WDR7: variants seen among roughly 807,000 people sequenced by gnomAD.
WDR7 encodes WD repeat domain 7.
A neutral mutation model predicts 169.4 loss-of-function variants in WDR7; 46 were observed. That is an observed-to-expected ratio of 0.27 (90% CI 0.21 to 0.35). The LOEUF (loss-of-function observed/expected upper bound fraction) is 0.35, where lower values mean the gene tolerates loss of function less well. Among genes scored for constraint, WDR7 ranks in the 10% least tolerant of loss-of-function variants. The pLI, the probability that WDR7 is intolerant of heterozygous loss-of-function variation, is 1.00. For missense variants in WDR7, 1,534 were observed against 1,859.3 expected (o/e 0.83, Z 3.22); for synonymous variants, 612 against 666.8 (o/e 0.92, Z 1.27).
intron 19 of WDR7, among the ~76,000 whole-genome samples, chr18:56,803,144 A>G (rs928474399): frequency 6.6e-6 from 1 of 152,196 alleles, no homozygotes; most frequent in Non-Finnish European, 1.5e-5. Flanking sequence ...ATTCTTATCT[A>G]TAAAATAACT....
chr18:56,801,783 C>G (rs971115518), intron 19 of WDR7, among the ~76,000 whole-genome samples: 2 of 152,128 alleles, frequency 1.3e-5, no homozygotes, highest in Admixed American at 6.5e-5. Flanking sequence ...ATCAATAATT[C>G]ATTCCTTTTT....
At chr18:56,975,431 G>T (rs1384008422) in intron 26 of WDR7, among the ~76,000 whole-genome samples, 2 of 152,134 alleles carry the variant, frequency 1.3e-5, no homozygotes, top group Non-Finnish European at 2.9e-5. Flanking sequence ...GCAAAGGAGT[G>T]TGAAAGTGTG....
At chr18:56,745,201 C>T (rs1269320606) in intron 14 of WDR7, among the ~76,000 whole-genome samples, 1 of 152,058 alleles carries the variant, frequency 6.6e-6, no homozygotes, top group Admixed American at 6.5e-5. Flanking sequence ...AAATGATGAA[C>T]CTAATAGGAA....
At chr18:56,768,898 G>C (rs899897774) in intron 16 of WDR7, among the ~76,000 whole-genome samples, 1 of 152,090 alleles carries the variant, frequency 6.6e-6, no homozygotes, top group Admixed American at 6.5e-5. Context: ...ATAGACATTT[G>C]GGTTTGAGAA....
chr18:56,732,493 T>C (rs1598999522), intron 14 of WDR7, among the ~76,000 whole-genome samples: 1 of 152,320 alleles, frequency 6.6e-6, no homozygotes, highest in East Asian at 1.9e-4. Flanking sequence ...GAAAGGCTCA[T>C]CTGCAGACTT....
At chr18:56,747,807 G>A (rs1254682073) in intron 14 of WDR7, among the ~76,000 whole-genome samples, 1 of 151,414 alleles carries the variant, frequency 6.6e-6, no homozygotes, top group Non-Finnish European at 1.5e-5. Context: ...GATGAGGGAA[G>A]AGGGTTCAAA....
intron 20 of WDR7, among the ~76,000 whole-genome samples, chr18:56,839,430 T>C (rs2045446726): frequency 6.6e-6 from 1 of 152,202 alleles, no homozygotes; most frequent in African/African-American, 2.4e-5. Context: ...AGTGTGTATC[T>C]CTTACTTATA....
At chr18:56,835,958 G>A (rs889404377) in intron 20 of WDR7, among the ~76,000 whole-genome samples, 1 of 152,132 alleles carries the variant, frequency 6.6e-6, no homozygotes, top group Non-Finnish European at 1.5e-5. Flanking sequence ...TGATGTATAA[G>A]TGTACTTTAT....
At chr18:56,890,250 A>G (rs1201372201) in intron 21 of WDR7, among the ~76,000 whole-genome samples, 5 of 152,188 alleles carry the variant, frequency 3.3e-5, no homozygotes, top group African/African-American at 9.6e-5. Flanking sequence ...TTGCAATTCT[A>G]TGAACTTGTA....
intron 25 of WDR7, chr18:56,957,490 A>G (rs1030620215): frequency 6.6e-6 from 1 of 152,006 alleles, no homozygotes; most frequent in Non-Finnish European, 1.5e-5. Context: ...AAAAAGGTAG[A>G]AAAAGCTCTC....
At chr18:57,032,638 G>A (rs1357733629), downstream of WDR7, 2 of 151,932 alleles carry the variant, frequency 1.3e-5, no homozygotes, top group South Asian at 2.1e-4. Flanking sequence ...ATCCTATTGT[G>A]AACTGAGCAT....
intron 26 of WDR7, among the ~76,000 whole-genome samples, chr18:57,000,185 G>C (rs900651662): frequency 6.6e-6 from 1 of 152,132 alleles, no homozygotes; most frequent in Non-Finnish European, 1.5e-5. Context: ...TTATGAAGTA[G>C]TTTAAAAGAG....
the WDR7 span, chr18:57,035,547 GC>G: frequency 6.6e-6 from 1 of 152,276 alleles, no homozygotes; most frequent in African/African-American, 2.4e-5. Context: ...TCCACTGGAT[GC>G]CTCTGCTCTG....
intron 13 of WDR7, among the ~76,000 whole-genome samples, chr18:56,725,334 T>A (rs1176381005): frequency 2.6e-5 from 4 of 151,366 alleles, no homozygotes; most frequent in Admixed American, 6.5e-5. Context: ...GACTTTTTAA[T>A]GATTGCCATT....
chr18:56,680,527 C>A (rs550932965), intron 3 of WDR7, among the ~76,000 whole-genome samples: 1 of 152,226 alleles, frequency 6.6e-6, no homozygotes, highest in South Asian at 2.1e-4. Flanking sequence ...GAAAAATTGT[C>A]TTATATAATA....
rs537351879 is a variant in WDR7, at chr18:57,027,259, C to T, written c.*52C>T. 26 of 1,545,370 alleles carry T rather than the reference C, an allele frequency of 1.7e-5. No homozygotes were observed. In the African/African-American group the frequency reaches 2.6e-4, roughly 15 times the overall value. On this transcript the variant is annotated 3_prime_UTR_variant, in exon 28 of 28. Coordinates refer to ENST00000254442, the MANE Select transcript of WDR7 (RefSeq NM_015285.3). ...TTTTAGTTCTCTAAATTATCCAAGC[C>T]GATGTTGCTCTGTCCTTCCTCACAC...
chr18:56,703,504 A>G (rs1253023341), intron 12 of WDR7, among the ~76,000 whole-genome samples: 1 of 152,212 alleles, frequency 6.6e-6, no homozygotes, highest in Non-Finnish European at 1.5e-5. Context: ...ACTAAGCAAA[A>G]ACAGGAAGCA....
At chr18:56,932,735 T>C (rs1258034841) in intron 22 of WDR7, among the ~76,000 whole-genome samples, 3 of 152,206 alleles carry the variant, frequency 2.0e-5, no homozygotes, top group Admixed American at 6.5e-5. Context: ...GATGTACTTA[T>C]TCAGTCCAGG....
At position 56,944,355 on chromosome 18, in the gene WDR7, C is replaced by G. The variant is rs374534036; in HGVS notation, c.4064+4962C>G. On this transcript the variant is annotated intron_variant, in intron 25 of 27. Transcript: ENST00000254442. ...TAGGTTCAGGATTTTAAAACTTTAA[C>G]GTGGTAATTTCTCTAAGATTTTCTT... 3.9e-4 allele frequency among the ~76,000 whole-genome samples: 60 copies of G among 152,188 alleles called. No homozygotes were observed. In the East Asian group the frequency reaches 0.011, roughly 28 times the overall value.
Sources: allele counts gnomAD v4.1 joint callset (sites outside exome capture counted in the v4.1 genomes callset), GRCh38; gene constraint gnomAD v4.1.1; transcripts MANE v1.5; gene names NCBI Gene and HGNC (gene_info 2026-07-23, HGNC 2026-07-21).